Variants in PDE4B observed in about 807,000 individuals in gnomAD.
The protein encoded by PDE4B is 3',5'-cyclic-AMP phosphodiesterase 4B.
PDE4B carries 20 observed loss-of-function variants against 82.2 expected under a neutral mutation model. The observed-to-expected ratio is 0.24, with a 90% CI of 0.17 to 0.35. PDE4B has a LOEUF of 0.35. Ranked by LOEUF, PDE4B falls within the 10% of genes least tolerant of loss-of-function variation. The probability of loss-of-function intolerance (pLI) is 1.00; values close to 1 mark genes in which losing one functional copy is unlikely to be tolerated. For synonymous variants in PDE4B, 320 were observed against 318.9 expected, an observed-to-expected ratio of 1.00 and a Z score of -0.04; for missense variants, 655 against 907.2, an observed-to-expected ratio of 0.72 and a Z score of 3.57.
intron 3 of PDE4B, among the ~76,000 whole-genome samples, chr1:66,086,330 G>A (rs1378397082): frequency 2.0e-5 from 3 of 152,166 alleles, no homozygotes; most frequent in Non-Finnish European, 4.4e-5. Flanking sequence ...GCAGTCAGGT[G>A]TGGTGTTAAT....
At chr1:65,874,576 C>T (rs1240735385) in intron 1 of PDE4B, among the ~76,000 whole-genome samples, 50 of 152,100 alleles carry the variant, frequency 3.3e-4, no homozygotes, top group African/African-American at 6.8e-4. Flanking sequence ...CAAAACAGCA[C>T]GGTACTGGTA....
At chr1:65,886,228 A>AT (rs1432089814) in intron 1 of PDE4B, among the ~76,000 whole-genome samples, 2 of 152,066 alleles carry the variant, frequency 1.3e-5, no homozygotes, top group African/African-American at 2.4e-5. Context: ...ACAAACTATT[A>AT]TTTTTTCATC....
intron 3 of PDE4B, among the ~76,000 whole-genome samples, chr1:65,988,109 G>A (rs990226939): frequency 6.6e-6 from 1 of 152,150 alleles, no homozygotes. Flanking sequence ...GTATTTGTCT[G>A]ATATATTTAT....
At chr1:66,181,619 G>A (rs115647505) in intron 3 of PDE4B, among the ~76,000 whole-genome samples, 1 of 152,242 alleles carries the variant, frequency 6.6e-6, no homozygotes, top group Non-Finnish European at 1.5e-5. Context: ...TCTATTGAGT[G>A]TGGCTACATA....
intron 7 of PDE4B, among the ~76,000 whole-genome samples, chr1:66,305,102 A>G (rs1658173959): frequency 6.6e-6 from 1 of 152,196 alleles, no homozygotes; most frequent in African/African-American, 2.4e-5. Context: ...ATTTCAGACA[A>G]TGGAAACAAG....
At chr1:65,942,646 C>T (rs954727649) in intron 3 of PDE4B, among the ~76,000 whole-genome samples, 11 of 151,952 alleles carry the variant, frequency 7.2e-5, no homozygotes, top group Non-Finnish European at 1.3e-4. Flanking sequence ...TTTTCATCTA[C>T]ACTGTAAAAG....
intron 3 of PDE4B, among the ~76,000 whole-genome samples, chr1:65,986,338 A>G (rs529635325): frequency 1.3e-5 from 2 of 152,336 alleles, no homozygotes; most frequent in South Asian, 2.1e-4. Context: ...TGGAGTACAG[A>G]TGGATGAAAC....
intron 3 of PDE4B, among the ~76,000 whole-genome samples, chr1:65,988,320 T>A (rs1651058639): frequency 6.6e-6 from 1 of 152,222 alleles, no homozygotes; most frequent in African/African-American, 2.4e-5. Context: ...TAGCTTCGTT[T>A]TTTAAAACAA....
At chr1:66,243,407 ATACT>A (rs1192997249) in intron 3 of PDE4B, among the ~76,000 whole-genome samples, 22 of 152,232 alleles carry the variant, frequency 1.4e-4, no homozygotes, top group Non-Finnish European at 1.5e-5. Context: ...AGAATGAGTA[ATACT>A]TAGTAATACT....
intron 7 of PDE4B, chr1:66,332,126 C>A: frequency 1.5e-6 from 2 of 1,294,082 alleles, no homozygotes; most frequent in Non-Finnish European, 2.0e-6. Flanking sequence ...CCCTAAAGAA[C>A]CCTGGGATGA....
At chr1:65,876,009 CT>C (rs1181437764) in intron 1 of PDE4B, among the ~76,000 whole-genome samples, 2 of 151,484 alleles carry the variant, frequency 1.3e-5, no homozygotes, top group African/African-American at 4.9e-5. Context: ...GTACTCTCAT[CT>C]TCATTCAATT....
At chr1:66,139,751 A>C (rs1646134098) in intron 3 of PDE4B, among the ~76,000 whole-genome samples, 1 of 144,014 alleles carries the variant, frequency 6.9e-6, no homozygotes, top group Non-Finnish European at 1.5e-5. Context: ...AAAAAAAAAA[A>C]ACAAAAAACA....
chr1:66,270,908 C>T (rs531556457), intron 7 of PDE4B, among the ~76,000 whole-genome samples: 1 of 152,346 alleles, frequency 6.6e-6, no homozygotes, highest in African/African-American at 2.4e-5. Context: ...CTTAATTACT[C>T]GCCTTCAGCG....
intron 3 of PDE4B, among the ~76,000 whole-genome samples, chr1:66,065,822 G>A (rs1055490037): frequency 2.0e-5 from 3 of 151,806 alleles, no homozygotes; most frequent in Admixed American, 6.6e-5. Context: ...GGTTTTAAGA[G>A]TAGATATCAA....
At chr1:66,341,203 C>T (rs1331030070) in intron 8 of PDE4B, among the ~76,000 whole-genome samples, 1 of 152,146 alleles carries the variant, frequency 6.6e-6, no homozygotes, top group African/African-American at 2.4e-5. Flanking sequence ...ATATAGAGCA[C>T]ATTCTAAATG....
intron 1 of PDE4B, among the ~76,000 whole-genome samples, chr1:65,871,001 A>G (rs1389323941): frequency 2.0e-5 from 3 of 152,206 alleles, no homozygotes. Context: ...TAAGGGCAGC[A>G]CTTCAGCCCC....
At chr1:66,150,483 A>G (rs1646369859) in intron 3 of PDE4B, among the ~76,000 whole-genome samples, 1 of 152,228 alleles carries the variant, frequency 6.6e-6, no homozygotes, top group Non-Finnish European at 1.5e-5. Flanking sequence ...ATCTCCAAAT[A>G]TAAATTGTTT....
chr1:65,894,421 T>A (rs1453131301), intron 1 of PDE4B, among the ~76,000 whole-genome samples: 1 of 152,130 alleles, frequency 6.6e-6, no homozygotes, highest in African/African-American at 2.4e-5. Context: ...CTTAAATATA[T>A]AACTTCTAGA....
chr1:66,025,717 CCT>C (rs1329212322), intron 3 of PDE4B, among the ~76,000 whole-genome samples: 1 of 152,148 alleles, frequency 6.6e-6, no homozygotes, highest in Non-Finnish European at 1.5e-5. Context: ...AAACTTAACC[CCT>C]GTTCCCCATT....
Sources: gnomAD v4.1 joint callset for allele counts (sites outside exome capture counted in the v4.1 genomes callset) on GRCh38, gnomAD v4.1.1 for gene constraint, MANE v1.5 for transcripts, NCBI Gene and HGNC (gene_info 2026-07-23, HGNC 2026-07-21) for gene names.